Variants in CSMD3 observed in about 807,000 individuals in gnomAD.
The protein encoded by CSMD3 is CUB and sushi domain-containing protein 3.
A neutral mutation model predicts 435.2 loss-of-function variants in CSMD3; 177 were observed. The observed-to-expected ratio is 0.41, with a 90% CI of 0.36 to 0.46. The LOEUF (loss-of-function observed/expected upper bound fraction) is 0.46. Among genes scored for constraint, CSMD3 ranks in the 20% least tolerant of loss-of-function variants. The pLI is 0.34. For synonymous variants in CSMD3, 1,656 were observed against 1,520.5 expected, an observed-to-expected ratio of 1.09 and a Z score of -2.07; for missense variants, 4,265 against 4,504.6, an observed-to-expected ratio of 0.95 and a Z score of 1.52.
intron 1 of CSMD3, among the ~76,000 whole-genome samples, chr8:113,421,186 A>T (rs1448478552): frequency 1.3e-5 from 2 of 152,202 alleles, no homozygotes; most frequent in Non-Finnish European, 2.9e-5. Flanking sequence ...AAAATGATCA[A>T]AATATTGGCA....
At chr8:112,358,809 T>C (rs1826891803) in intron 38 of CSMD3, among the ~76,000 whole-genome samples, 1 of 152,158 alleles carries the variant, frequency 6.6e-6, no homozygotes, top group Non-Finnish European at 1.5e-5. Context: ...ACAATTGCTA[T>C]GCTGACTACC....
chr8:112,578,573 G>A (rs1455188847), intron 23 of CSMD3, among the ~76,000 whole-genome samples: 1 of 151,878 alleles, frequency 6.6e-6, no homozygotes, highest in Admixed American at 6.6e-5. Context: ...TCACCGGTGT[G>A]CTGGAAAATG....
intron 22 of CSMD3, among the ~76,000 whole-genome samples, chr8:112,599,480 A>T (rs1488222351): frequency 6.6e-6 from 1 of 151,282 alleles, no homozygotes; most frequent in East Asian, 2.0e-4. Flanking sequence ...AGGGATCTAG[A>T]ACTAGAAATA....
chr8:112,825,943 T>G (rs2132457182), intron 12 of CSMD3, among the ~76,000 whole-genome samples: 1 of 137,432 alleles, frequency 7.3e-6, no homozygotes, highest in East Asian at 2.0e-4. Flanking sequence ...GAGGAAAAAC[T>G]AATTCTGCTG....
intron 5 of CSMD3, 125 bp from the exon 6 acceptor site, chr8:113,019,304 A>G (rs1370374714): frequency 8.5e-6 from 6 of 704,366 alleles, no homozygotes; most frequent in African/African-American, 1.8e-5. Flanking sequence ...CTTTTTAAGC[A>G]CAAATGAAAT....
At chr8:112,993,543 T>A (rs1441503618) in intron 6 of CSMD3, among the ~76,000 whole-genome samples, 1 of 151,884 alleles carries the variant, frequency 6.6e-6, no homozygotes, top group Non-Finnish European at 1.5e-5. Flanking sequence ...GTGCCTATTA[T>A]GTGCTATGCA....
intron 26 of CSMD3, among the ~76,000 whole-genome samples, chr8:112,551,796 A>G (rs62516507): frequency 0.24 from 36,016 of 151,940 alleles, 4,650 homozygotes; most frequent in East Asian, 0.47. Context: ...CTGAAATTCC[A>G]TTGTATATAA....
chr8:112,562,664 G>A (rs1192127685), intron 24 of CSMD3, among the ~76,000 whole-genome samples: 1 of 151,444 alleles, frequency 6.6e-6, no homozygotes, highest in Non-Finnish European at 1.5e-5. Flanking sequence ...CTATAGAATT[G>A]TTGGTGAACT....
At chr8:113,405,989 A>C (rs900855303) in intron 1 of CSMD3, among the ~76,000 whole-genome samples, 2 of 151,794 alleles carry the variant, frequency 1.3e-5, no homozygotes, top group Non-Finnish European at 3.0e-5. Flanking sequence ...AACAACTTGC[A>C]GACATGATCT....
chr8:112,791,112 C>G (rs930763376), intron 13 of CSMD3, among the ~76,000 whole-genome samples: 16 of 151,884 alleles, frequency 1.1e-4, no homozygotes, highest in Admixed American at 6.6e-5. Flanking sequence ...CACTTGAGCC[C>G]AAGAGTTCGA....
intron 37 of CSMD3, among the ~76,000 whole-genome samples, 175 bp downstream of exon 37, chr8:112,383,391 TA>T (rs1278698441): frequency 2.6e-5 from 4 of 152,218 alleles, no homozygotes; most frequent in Non-Finnish European, 5.9e-5. Flanking sequence ...AATAAGGTTT[TA>T]AATATCAATA....
intron 24 of CSMD3, among the ~76,000 whole-genome samples, chr8:112,568,436 T>C (rs993848448): frequency 6.6e-6 from 1 of 151,118 alleles, no homozygotes. Context: ...CTATTAAAAA[T>C]ACAAAAAAAT....
intron 11 of CSMD3, among the ~76,000 whole-genome samples, chr8:112,851,443 G>A (rs1480838178): frequency 6.6e-6 from 1 of 152,056 alleles, no homozygotes; most frequent in African/African-American, 2.4e-5. Flanking sequence ...AGAGAATCGT[G>A]ACATAAAGGA....
chr8:112,525,823 AAAAATAT>A (rs1374554212), intron 27 of CSMD3, among the ~76,000 whole-genome samples: 1 of 135,258 alleles, frequency 7.4e-6, no homozygotes, highest in African/African-American at 2.8e-5. Flanking sequence ...CACACATATA[AAAAATAT>A]ATATATATAT....
At chr8:112,615,936 T>C (rs1833628394) in intron 22 of CSMD3, among the ~76,000 whole-genome samples, 1 of 152,196 alleles carries the variant, frequency 6.6e-6, no homozygotes, top group Admixed American at 6.6e-5. Flanking sequence ...TCCCTTTCTT[T>C]GTTATTTAAT....
chr8:112,634,335 A>G (rs1044252867), intron 22 of CSMD3, among the ~76,000 whole-genome samples: 2 of 152,064 alleles, frequency 1.3e-5, no homozygotes, highest in African/African-American at 4.8e-5. Flanking sequence ...TAAGCAAAGC[A>G]GTAAAGAAAA....
intron 17 of CSMD3, among the ~76,000 whole-genome samples, chr8:112,657,045 CT>C (rs904691815): frequency 6.8e-5 from 10 of 147,790 alleles, no homozygotes; most frequent in South Asian, 4.3e-4. Context: ...GCCTTAAAAA[CT>C]TTTTTTTCTT....
At chr8:113,316,369 T>C in intron 1 of CSMD3, among the ~76,000 whole-genome samples, 1 of 152,140 alleles carries the variant, frequency 6.6e-6, no homozygotes, top group Admixed American at 6.6e-5. Flanking sequence ...GAATATATTT[T>C]ATGTAAGTAT....
chr8:113,199,165 A>G (rs1312296138), intron 3 of CSMD3, among the ~76,000 whole-genome samples: 1 of 150,930 alleles, frequency 6.6e-6, no homozygotes, highest in Non-Finnish European at 1.5e-5. Flanking sequence ...GTTCATTTAT[A>G]TTTTCTTTAT....
Sources: allele counts gnomAD v4.1 joint callset (sites outside exome capture counted in the v4.1 genomes callset), GRCh38; gene constraint gnomAD v4.1.1; transcripts MANE v1.5; gene names NCBI Gene and HGNC (gene_info 2026-07-23, HGNC 2026-07-21).